The following CCDC71L variants were observed in gnomAD, a reference collection of about 807,000 sequenced individuals.
CCDC71L encodes the protein coiled-coil domain containing 71 like, also known as coiled-coil domain-containing protein 71L.
A neutral mutation model predicts 10.2 loss-of-function variants in CCDC71L; 6 were observed. The observed-to-expected ratio is 0.59, with a 90% CI of 0.32 to 1.16. The LOEUF (loss-of-function observed/expected upper bound fraction) is 1.16, where lower values mean the gene tolerates loss of function less well. Among genes scored for constraint, CCDC71L ranks in the 50% most tolerant of loss-of-function variants. CCDC71L has a pLI of 0.05. For synonymous variants in CCDC71L, 204 were observed against 175.5 expected (o/e 1.16, Z -1.28); for missense variants, 366 against 383.4 (o/e 0.95, Z 0.38).
rs553131685 is a variant in CCDC71L, at chr7:106,657,088, A to G, written c.*3101T>C. The G allele has an allele frequency of 2.6e-5, 4 of 152,360 alleles. No individual in the cohort carries two copies. The highest frequency in any genetic ancestry group is 7.2e-5 in the African/African-American group (3 of 41,586). The allele number at this position is 152,360 out of a possible 1,614,324, so 9.4% of individuals were successfully genotyped here. A position where few individuals can be genotyped will look rare whatever the true frequency, so the allele number is the denominator to read the frequency against. On this transcript the variant is annotated 3_prime_UTR_variant, in exon 1 of 1. Transcript: ENST00000523505. ...TAAAATTTACTTAAGAGTTTTCTAAAAAATAGTACTATCATTTGCACACAG... is the reference window on the plus strand; with the variant it reads ...TAAAATTTACTTAAGAGTTTTCTAAGAAATAGTACTATCATTTGCACACAG...
Position 106,661,028 on chromosome 7 carries a change from T to TC in CCDC71L, c.-133dup. On this transcript the variant is annotated 5_prime_UTR_variant, in exon 1 of 1. It removes the in-frame stop codon of an upstream open reading frame in the 5' UTR. Coordinates refer to ENST00000523505, the MANE Select transcript of CCDC71L (RefSeq NM_175884.6). ...CTTTTCTCGCCTCCGCCGCCGCCCC[T>TC]CCCCCTCCGAGGGCGGAGGACGCGG... 1 of 1,205,840 alleles carries TC rather than the reference T, an allele frequency of 8.3e-7. No homozygotes were observed. Among genetic ancestry groups the TC allele is most frequent in the Non-Finnish European group, 1.1e-6 (1 of 945,920 alleles). The allele number at this position is 1,205,840 out of a possible 1,614,324, so 74.7% of individuals were successfully genotyped here. A position where few individuals can be genotyped will look rare whatever the true frequency, so the allele number is the denominator to read the frequency against.
In CCDC71L at chr7:106,659,027, G is replaced by C. The variant is rs2116099246; in HGVS notation, c.*1162C>G. On this transcript the variant is annotated 3_prime_UTR_variant, in exon 1 of 1. Coordinates refer to ENST00000523505, the MANE Select transcript of CCDC71L (RefSeq NM_175884.6). ...AAAAAGGAAATAGATTTCGCCCAAAGTAACCTTAACCAGTTATTTGATACC... is the reference window on the plus strand; with the variant it reads ...AAAAAGGAAATAGATTTCGCCCAAACTAACCTTAACCAGTTATTTGATACC... 1 of 152,200 alleles carries C rather than the reference G, an allele frequency of 6.6e-6. No homozygotes were observed. The highest frequency in any genetic ancestry group is 1.9e-4 in the East Asian group (1 of 5,184). 9.4% of individuals were successfully genotyped at this position (152,200 alleles called of 1,614,324 possible). A position where few individuals can be genotyped will look rare whatever the true frequency, so the allele number is the denominator to read the frequency against.
chr7:106,661,012 C>T lies in CCDC71L; in HGVS notation c.-116G>A. 1 of 1,272,306 alleles carries T rather than the reference C, an allele frequency of 7.9e-7. No homozygotes were observed. The highest frequency in any genetic ancestry group is 1.0e-6 in the Non-Finnish European group (1 of 1,004,710). The allele number at this position is 1,272,306 out of a possible 1,614,324, so 78.8% of individuals were successfully genotyped here. On this transcript the variant is annotated 5_prime_UTR_variant, in exon 1 of 1. Coordinates refer to ENST00000523505, the MANE Select transcript of CCDC71L (RefSeq NM_175884.6). ...CTGGCGTCTCTCGCTACTTTTCTCG[C>T]CTCCGCCGCCGCCCCTCCCCCTCCG...
At position 106,660,875 on chromosome 7, in the gene CCDC71L, G is replaced by C. The variant is rs1360063520; in HGVS notation, c.22C>G (p.Arg8Gly). Residue 8 changes from arginine to glycine, a missense_variant, in exon 1 of 1, where the codon CGG (arginine) becomes GGG (glycine). Arg to Gly is a moderately radical substitution (Grantham distance 125, BLOSUM62 -2). Transcript: ENST00000523505. This position sits in a 1 kb window ranked among gnomAD's most constrained non-coding sequence, Gnocchi z 7.5. MRRSMKR[R>G]RRRRPVAPAT... is the part of the protein sequence containing the mutation. ...GGGGCGACCGGGCGCCGGCGCCGCC[G>C]CCTCTTCATACTGCGCCGCATCGAA... 2.1e-6 allele frequency: 3 copies of C among 1,457,230 alleles called. No individual in the cohort carries two copies. Among genetic ancestry groups the C allele is most frequent in the South Asian group, 2.8e-5 (2 of 70,632 alleles). The allele number at this position is 1,457,230 out of a possible 1,614,324, so 90.3% of individuals were successfully genotyped here.
Position 106,654,988 on chromosome 7 carries a change from C to T in CCDC71L, c.*5201G>A, listed in dbSNP as rs79564031. Among the ~76,000 whole-genome samples, 4,248 of 152,032 alleles carry T rather than the reference C, an allele frequency of 0.028. 189 individuals are homozygous for T. Among genetic ancestry groups the T allele is most frequent in the African/African-American group, 0.096 (3,991 of 41,446 alleles). ...AATTTAACTTTTCTATGAATGCTTTCGGAAGCTAAATAAGTCCAGTTTTGG... is the reference window on the plus strand; with the variant it reads ...AATTTAACTTTTCTATGAATGCTTTTGGAAGCTAAATAAGTCCAGTTTTGG... On this transcript the variant is annotated 3_prime_UTR_variant, in exon 1 of 1. Coordinates refer to ENST00000523505, the MANE Select transcript of CCDC71L (RefSeq NM_175884.6).
rs1172736176 is a variant in CCDC71L at position 106,659,523 on chromosome 7, T to C, written c.*666A>G. On this transcript the variant is annotated 3_prime_UTR_variant, in exon 1 of 1. Coordinates refer to ENST00000523505, the MANE Select transcript of CCDC71L (RefSeq NM_175884.6). ...AATACCTTGAAAATGTTTAAACAGTTGTATTTTGCATGTCTTTGTTTGTAA... is the reference window on the plus strand; with the variant it reads ...AATACCTTGAAAATGTTTAAACAGTCGTATTTTGCATGTCTTTGTTTGTAA... The C allele has an allele frequency of 6.5e-6, 1 of 152,680 alleles. No homozygotes were observed. Among genetic ancestry groups the C allele is most frequent in the African/African-American group, 2.4e-5 (1 of 41,468 alleles). 9.5% of individuals were successfully genotyped at this position (152,680 alleles called of 1,614,324 possible).
rs772654754 is a variant in CCDC71L, at chr7:106,660,156, G to T, written c.*33C>A. On this transcript the variant is annotated 3_prime_UTR_variant, in exon 1 of 1. Transcript: ENST00000523505. The surrounding 1 kb of genome is among the most constrained non-coding windows in gnomAD (Gnocchi z 7.5). ...CGGGCGGAAGGCCTGTCCCAAGGTC[G>T]GGGCCGGCAGGAGGCGCCCTGGAGG... 3 of 1,492,318 alleles carry T rather than the reference G, an allele frequency of 2.0e-6. No homozygotes were observed. Among genetic ancestry groups the T allele is most frequent in the Non-Finnish European group, 2.7e-6 (3 of 1,131,868 alleles). The allele number at this position is 1,492,318 out of a possible 1,614,324, so 92.4% of individuals were successfully genotyped here. A position where few individuals can be genotyped will look rare whatever the true frequency, so the allele number is the denominator to read the frequency against.
Position 106,655,464 on chromosome 7 carries a change from C to T in CCDC71L, c.*4725G>A, listed in dbSNP as rs1792474906. On this transcript the variant is annotated 3_prime_UTR_variant, in exon 1 of 1. Coordinates refer to ENST00000523505, the MANE Select transcript of CCDC71L (RefSeq NM_175884.6). ...GTGTTTCAAGCACAGCTATTGTACT[C>T]ACTTTGTTTCCTTTAACACCTGAAT... 6.6e-6 allele frequency among the ~76,000 whole-genome samples: 1 copy of T among 152,108 alleles called. No homozygotes were observed. The highest frequency in any genetic ancestry group is 1.5e-5 in the Non-Finnish European group (1 of 68,006).
chr7:106,661,132 C>T lies in CCDC71L; in HGVS notation c.-236G>A, dbSNP rs1035203674. 4.3e-6 allele frequency: 2 copies of T among 465,922 alleles called. No individual in the cohort carries two copies. The highest frequency in any genetic ancestry group is 7.1e-6 in the Non-Finnish European group (2 of 279,950). 28.9% of individuals were successfully genotyped at this position (465,922 alleles called of 1,614,324 possible). A position where few individuals can be genotyped will look rare whatever the true frequency, so the allele number is the denominator to read the frequency against. The stretch of plus-strand genomic sequence containing the variant: ...TTGTCATTGGACGGCGCCTCGCCCC[C>T]CTGGTTTCTCTTTCTTCTCCTCTCT... On this transcript the variant is annotated 5_prime_UTR_variant, in exon 1 of 1. Coordinates refer to ENST00000523505, the MANE Select transcript of CCDC71L (RefSeq NM_175884.6).
Position 106,660,431 on chromosome 7 carries a change from G to C in CCDC71L, c.466C>G (p.Pro156Ala). ...TTGGCCGGGCAGCTCTCCTCGGGGGGCGGCGGCGGTGGGGGTGGCGGCCGG... is the reference window on the plus strand; with the variant it reads ...TTGGCCGGGCAGCTCTCCTCGGGGGCCGGCGGCGGTGGGGGTGGCGGCCGG... The part of the protein sequence containing the change: ...KPRPPPPPPP[P>A]PEESCPAKPV... The change falls in exon 1 of 1, where the codon CCC becomes GCC. Residue 156 changes from proline to alanine, a missense_variant. Pro to Ala is a conservative substitution (Grantham distance 27). Transcript: ENST00000523505. The surrounding 1 kb of genome is among the most constrained non-coding windows in gnomAD (Gnocchi z 7.5). The C allele has an allele frequency of 4.8e-6, 6 of 1,237,188 alleles. No individual in the cohort carries two copies. The highest frequency in any genetic ancestry group is 6.1e-6 in the Non-Finnish European group (6 of 991,734). 76.6% of individuals were successfully genotyped at this position (1,237,188 alleles called of 1,614,324 possible). A position where few individuals can be genotyped will look rare whatever the true frequency, so the allele number is the denominator to read the frequency against.
At position 106,657,346 on chromosome 7, in the gene CCDC71L, T is replaced by G. The variant is rs1792507963; in HGVS notation, c.*2843A>C. ...TTATGTGAGGTGCCGGTCACCACATTTAGGCACTCAGGAATTAAAAATCAA... is the reference window on the plus strand; with the variant it reads ...TTATGTGAGGTGCCGGTCACCACATGTAGGCACTCAGGAATTAAAAATCAA... On this transcript the variant is annotated 3_prime_UTR_variant, in exon 1 of 1. Coordinates refer to ENST00000523505, the MANE Select transcript of CCDC71L (RefSeq NM_175884.6). 1 of 152,150 alleles carries G rather than the reference T, an allele frequency of 6.6e-6. No homozygotes were observed. The highest frequency in any genetic ancestry group is 2.4e-5 in the African/African-American group (1 of 41,432). The allele number at this position is 152,150 out of a possible 1,614,324, so 9.4% of individuals were successfully genotyped here.
At position 106,660,080 on chromosome 7, in the gene CCDC71L, C is replaced by A. The variant is rs186049944; in HGVS notation, c.*109G>T. The A allele has an allele frequency of 1.1e-5, 15 of 1,325,464 alleles. No homozygotes were observed. The highest frequency in any genetic ancestry group is 2.8e-4 in the Middle Eastern group (1 of 3,592). The allele number at this position is 1,325,464 out of a possible 1,614,324, so 82.1% of individuals were successfully genotyped here. A position where few individuals can be genotyped will look rare whatever the true frequency, so the allele number is the denominator to read the frequency against. On this transcript the variant is annotated 3_prime_UTR_variant, in exon 1 of 1. Coordinates refer to ENST00000523505, the MANE Select transcript of CCDC71L (RefSeq NM_175884.6). This position sits in a 1 kb window ranked among gnomAD's most constrained non-coding sequence, Gnocchi z 7.5. ...TTCGCGCGTAAAGTGCATTGGGGGC[C>A]GGGGTCCTGGCCGGATCTGTAAACA...
Position 106,660,857 on chromosome 7 carries a change from C to CCGGGCG in CCDC71L, c.34_39dup (p.Arg12_Pro13dup). The CCGGGCG allele has an allele frequency of 6.8e-7, 1 of 1,476,294 alleles. No homozygotes were observed. The highest frequency in any genetic ancestry group is 1.3e-5 in the South Asian group (1 of 74,638). The allele number at this position is 1,476,294 out of a possible 1,614,324, so 91.4% of individuals were successfully genotyped here. ...CCCCGGGCGGCCGTGGCCGGGGCGA[C>CCGGGCG]CGGGCGCCGGCGCCGCCGCCTCTTC... On this transcript the variant is annotated inframe_insertion, in exon 1 of 1. Coordinates refer to ENST00000523505, the MANE Select transcript of CCDC71L (RefSeq NM_175884.6). The surrounding 1 kb of genome is among the most constrained non-coding windows in gnomAD (Gnocchi z 7.5).
chr7:106,659,420 A>C lies in CCDC71L; in HGVS notation c.*769T>G, dbSNP rs1012755465. 2 of 152,566 alleles carry C rather than the reference A, an allele frequency of 1.3e-5. No individual in the cohort carries two copies. Among genetic ancestry groups the C allele is most frequent in the African/African-American group, 2.4e-5 (1 of 41,418 alleles). 9.5% of individuals were successfully genotyped at this position (152,566 alleles called of 1,614,324 possible). A position where few individuals can be genotyped will look rare whatever the true frequency, so the allele number is the denominator to read the frequency against. On this transcript the variant is annotated 3_prime_UTR_variant, in exon 1 of 1. Coordinates refer to ENST00000523505, the MANE Select transcript of CCDC71L (RefSeq NM_175884.6). ...AATTTAACAAGTTAACTTTTCCTAA[A>C]CAAAAGTTTTCATGTGTATTCTACC...
Position 106,660,168 on chromosome 7 carries a change from A to C in CCDC71L, c.*21T>G. On this transcript the variant is annotated 3_prime_UTR_variant, in exon 1 of 1. Coordinates refer to ENST00000523505, the MANE Select transcript of CCDC71L (RefSeq NM_175884.6). The surrounding 1 kb of genome is among the most constrained non-coding windows in gnomAD (Gnocchi z 7.5). ...CTGTCCCAAGGTCGGGGCCGGCAGG[A>C]GGCGCCCTGGAGGCCGCACCTCATG... 6.6e-7 allele frequency: 1 copy of C among 1,512,628 alleles called. No homozygotes were observed. Among genetic ancestry groups the C allele is most frequent in the Non-Finnish European group, 8.8e-7 (1 of 1,141,670 alleles). 93.7% of individuals were successfully genotyped at this position (1,512,628 alleles called of 1,614,324 possible). A position where few individuals can be genotyped will look rare whatever the true frequency, so the allele number is the denominator to read the frequency against.
rs762311542 is a variant in CCDC71L at position 106,660,569 on chromosome 7, C to T, written c.328G>A (p.Asp110Asn). 3.6e-4 allele frequency: 562 copies of T among 1,541,620 alleles called. 1 individual carries two copies. Among genetic ancestry groups the T allele is most frequent in the Non-Finnish European group, 4.8e-4 (545 of 1,145,246 alleles). The change falls in exon 1 of 1, where the codon GAC becomes AAC. Residue 110 changes from aspartate (D) to asparagine (N), a missense_variant. Transcript: ENST00000523505. The surrounding 1 kb of genome is among the most constrained non-coding windows in gnomAD (Gnocchi z 7.5). ...CGGGCTGTAGGGGGCCCCGGGGGGT[C>T]GGGTACCAGGGCCCGGCAGGAGGAG... is the stretch of plus-strand genomic sequence containing the variant. ...GYSSCRALVP[D>N]PPGPPTARGQ... is the part of the protein sequence containing the mutation.
Position 106,656,058 on chromosome 7 carries a change from T to A in CCDC71L, c.*4131A>T, listed in dbSNP as rs1185177539. Among the ~76,000 whole-genome samples the A allele has an allele frequency of 1.3e-5, 2 of 152,198 alleles. No individual in the cohort carries two copies. Among genetic ancestry groups the A allele is most frequent in the Non-Finnish European group, 2.9e-5 (2 of 68,026 alleles). On this transcript the variant is annotated 3_prime_UTR_variant, in exon 1 of 1. Coordinates refer to ENST00000523505, the MANE Select transcript of CCDC71L (RefSeq NM_175884.6). ...GTTATTAATCCTTATAATATCCCAA[T>A]AGTTTCTTTCACTAATCACATTTGA...
rs1285461773 is a variant in CCDC71L, at chr7:106,660,480, C to T, written c.417G>A (p.Ala139=). The change falls in exon 1 of 1, where the codon GCG becomes GCA. Residue 139 remains alanine (A), a synonymous_variant. Transcript: ENST00000523505. This position sits in a 1 kb window ranked among gnomAD's most constrained non-coding sequence, Gnocchi z 7.5. ...AARRRRRGAR[A]AAARRRKPRP... is the part of the protein sequence containing the mutation. Reference sequence around the variant, plus strand: ...GGGGCTTCCTCCTGCGGGCAGCGGCCGCCCGGGCTCCGCGGCGCCTCCTCC... The same window carrying T: ...GGGGCTTCCTCCTGCGGGCAGCGGCTGCCCGGGCTCCGCGGCGCCTCCTCC... The T allele has an allele frequency of 4.1e-6, 5 of 1,223,820 alleles. No homozygotes were observed. The highest frequency in any genetic ancestry group is 6.3e-4 in the Middle Eastern group (2 of 3,160). The allele number at this position is 1,223,820 out of a possible 1,614,324, so 75.8% of individuals were successfully genotyped here.
In CCDC71L at chr7:106,660,633, G is replaced by T; in HGVS notation, c.264C>A (p.Phe88Leu). The change falls in exon 1 of 1, where the codon TTC becomes TTA. Residue 88 changes from phenylalanine to leucine, a missense_variant. Coordinates refer to ENST00000523505, the MANE Select transcript of CCDC71L (RefSeq NM_175884.6). The surrounding 1 kb of genome is among the most constrained non-coding windows in gnomAD (Gnocchi z 7.5). ...CCTTGCTGCGCAGGATGTGCGGGGA[G>T]AACTGGTGCTTGAGGCTGCAGAGGA... is the stretch of plus-strand genomic sequence containing the variant. Reference protein sequence around the residue: ...WSFLCSLKHQFSPHILRSKDV... With the variant: ...WSFLCSLKHQLSPHILRSKDV... 1 of 1,590,790 alleles carries T rather than the reference G, an allele frequency of 6.3e-7. No individual in the cohort carries two copies. The highest frequency in any genetic ancestry group is 8.6e-7 in the Non-Finnish European group (1 of 1,169,056).
Sources: allele counts gnomAD v4.1 joint callset (sites outside exome capture counted in the v4.1 genomes callset), GRCh38; gene constraint gnomAD v4.1.1; non-coding constraint Gnocchi (gnomAD v3.1); transcripts MANE v1.5; gene names NCBI Gene and HGNC (gene_info 2026-07-23, HGNC 2026-07-21).